Variants in PAX8 observed in about 807,000 individuals in gnomAD.
PAX8 encodes paired box protein Pax-8.
In PAX8, 15 loss-of-function variants were observed where a neutral mutation model predicts 52.4. The ratio of observed to expected loss-of-function variants is 0.29; its 90% CI spans 0.19 to 0.44. The LOEUF is 0.44. PAX8 is among the 20% of genes least tolerant of loss of function. The pLI, the probability that PAX8 is intolerant of heterozygous loss-of-function variation, is 1.00. For missense variants in PAX8, 554 were observed against 602.5 expected (o/e 0.92, Z 0.84); for synonymous variants, 284 against 249.7 (o/e 1.14, Z -1.29).
Position 113,242,063 on chromosome 2 carries a change from G to A in PAX8, c.546C>T (p.Ile182=), listed in dbSNP as rs1690897996. The A allele has an allele frequency of 1.2e-6, 2 of 1,613,646 alleles. No homozygotes were observed. Among genetic ancestry groups the A allele is most frequent in the African/African-American group, 1.3e-5 (1 of 74,928 alleles). ...GCTGAGCGATGCCCAGGAGCCCATT[G>A]ATGGAGTAGGTGGAGCCCAGGGAAT... ...QSDSLGSTYS[I]NGLLGIAQPG... The change falls in exon 6 of 12, where the codon ATC becomes ATT. Residue 182 remains isoleucine (I), a synonymous_variant. Coordinates refer to ENST00000429538, the MANE Select transcript of PAX8 (RefSeq NM_003466.4).
chr2:113,260,679 A>G (rs1692599872), intron 2 of PAX8, among the ~76,000 whole-genome samples: 1 of 152,162 alleles, frequency 6.6e-6, no homozygotes, highest in Non-Finnish European at 1.5e-5. Context: ...TAATGAAGTC[A>G]CATAAAGATG....
intron 10 of PAX8, among the ~76,000 whole-genome samples, chr2:113,222,076 T>C (rs191046377): frequency 2.5e-3 from 374 of 152,302 alleles, no homozygotes; most frequent in African/African-American, 8.7e-3. Context: ...AGCTGTGACA[T>C]AGGGAAGTAA....
intron 3 of PAX8, among the ~76,000 whole-genome samples, chr2:113,245,058 G>GT (rs1483202438): frequency 8.5e-6 from 1 of 118,194 alleles, no homozygotes; most frequent in East Asian, 2.3e-4. Context: ...TTTTTTTTTT[G>GT]TTTTTTGAGA....
intron 2 of PAX8, among the ~76,000 whole-genome samples, chr2:113,247,836 G>A (rs1691452434): frequency 6.6e-6 from 1 of 152,160 alleles, no homozygotes; most frequent in Non-Finnish European, 1.5e-5. Context: ...CTTCCCTCAT[G>A]GGGTTTATTA....
At chr2:113,271,709 A>G (rs1183737943) in intron 2 of PAX8, 1 of 146,440 alleles carries the variant, frequency 6.8e-6, no homozygotes, top group Non-Finnish European at 1.5e-5. Context: ...TCGATCATCT[A>G]GTAGCCGAGT....
At position 113,278,891 on chromosome 2, in the gene PAX8, G is replaced by T. The variant is rs531419791; in HGVS notation, c.-136C>A. On this transcript the variant is annotated 5_prime_UTR_variant, in exon 1 of 12. Coordinates refer to ENST00000429538, the MANE Select transcript of PAX8 (RefSeq NM_003466.4). The stretch of plus-strand genomic sequence containing the variant: ...CCGCCCGCGAGGGTGCCCTGGGCCC[G>T]GTGTCTCTCCTCCTTCTGAAGTTTG... The T allele has an allele frequency of 1.9e-6, 2 of 1,053,942 alleles. No individual in the cohort carries two copies. Among genetic ancestry groups the T allele is most frequent in the African/African-American group, 1.7e-5 (1 of 60,054 alleles). 65.3% of individuals were successfully genotyped at this position (1,053,942 alleles called of 1,614,324 possible).
At chr2:113,254,403 G>T (rs980587851) in intron 2 of PAX8, among the ~76,000 whole-genome samples, 2 of 152,146 alleles carry the variant, frequency 1.3e-5, no homozygotes, top group Non-Finnish European at 2.9e-5. Context: ...TGGGGTGGGG[G>T]TGCAAGAGAG....
chr2:113,244,651 T>C, intron 3 of PAX8, 27 bp from the exon 4 acceptor site: 2 of 1,606,676 alleles, frequency 1.2e-6, no homozygotes, highest in Non-Finnish European at 1.7e-6. Flanking sequence ...TCCCAAAGAA[T>C]TACCCAATAA....
intron 10 of PAX8, among the ~76,000 whole-genome samples, chr2:113,220,889 C>T (rs868857899): frequency 7.2e-5 from 11 of 152,206 alleles, no homozygotes; most frequent in African/African-American, 2.7e-4. Context: ...CAAAGTAAAT[C>T]AGATCACCTC....
intron 9 of PAX8, among the ~76,000 whole-genome samples, chr2:113,228,468 T>A (rs973362255): frequency 6.6e-6 from 1 of 152,266 alleles, no homozygotes; most frequent in African/African-American, 2.4e-5. Flanking sequence ...AATTCTTTGC[T>A]GCAGGAGGCT....
intron 9 of PAX8, chr2:113,230,531 CCAATGGGGTAGAGGCTTCTGAATCGGA>C (rs1689829696): frequency 6.6e-6 from 1 of 152,194 alleles, no homozygotes; most frequent in Admixed American, 6.5e-5. Flanking sequence ...TAATGTCTTC[CCAATGGGGTAGAGGCTTCTGAATCGGA>C]CATCAGAACA....
chr2:113,222,478 G>A (rs1689327682), intron 10 of PAX8, among the ~76,000 whole-genome samples: 1 of 152,178 alleles, frequency 6.6e-6, no homozygotes, highest in Non-Finnish European at 1.5e-5. Flanking sequence ...ACACCTGGGT[G>A]TGGCATCTTC....
In PAX8 at chr2:113,235,472, A is replaced by C. The variant is rs199939219; in HGVS notation, c.1009T>G (p.Ser337Ala). The part of the protein sequence containing the change: ...SAFLDLQQVG[S>A]GVPPFNAFPH... ...AAGGCATTGAAGGGCGGGACCCCGG[A>C]GCCGACTTGCTGCAGATCCAAAAAG... The change falls in exon 9 of 12, where the codon TCC becomes GCC. Residue 337 changes from serine (S) to alanine (A), a missense_variant. By Grantham distance (99) the Ser-to-Ala change is moderately conservative. Around this residue, in one of 2 missense-constraint regions of PAX8, gnomAD observed 445 missense variants for 409.9 expected, o/e 1.09. Transcript: ENST00000429538. 4.0e-4 allele frequency: 651 copies of C among 1,613,256 alleles called. 2 individuals carry two copies. The highest frequency in any genetic ancestry group is 5.5e-4 in the Admixed American group (33 of 59,924).
At chr2:113,277,656 AC>A (rs763459930) in intron 2 of PAX8, among the ~76,000 whole-genome samples, 3 of 151,956 alleles carry the variant, frequency 2.0e-5, no homozygotes, top group East Asian at 1.9e-4. Flanking sequence ...CCCAGCAAAG[AC>A]CCTGCCCAGC....
chr2:113,258,825 G>A (rs896508091), intron 2 of PAX8, among the ~76,000 whole-genome samples: 11 of 151,908 alleles, frequency 7.2e-5, no homozygotes, highest in South Asian at 2.1e-4. Flanking sequence ...GCCTTTCTCC[G>A]CCTCCCCCAG....
Position 113,226,862 on chromosome 2 carries a change from G to A in PAX8, c.1189+293C>T. On this transcript the variant is annotated intron_variant, in intron 10 of 11. Coordinates refer to ENST00000429538, the MANE Select transcript of PAX8 (RefSeq NM_003466.4). ...TCACTGATTCACTGGAAGAAGTGGT[G>A]GAGCTTGGATTTGAACACAGACCTG... 3.8e-6 allele frequency: 5 copies of A among 1,311,724 alleles called. No homozygotes were observed. In the South Asian group the frequency reaches 6.1e-5, roughly 16 times the overall value. The allele number at this position is 1,311,724 out of a possible 1,614,324, so 81.3% of individuals were successfully genotyped here. A position where few individuals can be genotyped will look rare whatever the true frequency, so the allele number is the denominator to read the frequency against.
At chr2:113,278,693 C>T (rs912993764) in intron 1 of PAX8, 138 bp downstream of exon 1, 2 of 626,512 alleles carry the variant, frequency 3.2e-6, no homozygotes, top group East Asian at 3.1e-5. Flanking sequence ...ACCTCCGTGC[C>T]CACTCCCTCC....
At chr2:113,225,386 G>A (rs1197042178) in intron 10 of PAX8, among the ~76,000 whole-genome samples, 2 of 152,108 alleles carry the variant, frequency 1.3e-5, no homozygotes, top group African/African-American at 2.4e-5. Context: ...GGTAAGAGAC[G>A]GACATAGAAT....
intron 2 of PAX8, among the ~76,000 whole-genome samples, chr2:113,252,708 C>T (rs1346679956): frequency 2.0e-5 from 3 of 152,180 alleles, no homozygotes; most frequent in African/African-American, 7.2e-5. Context: ...GGCAAAGCTG[C>T]GGCTTGTGTT....
Sources: gnomAD v4.1 joint callset for allele counts (sites outside exome capture counted in the v4.1 genomes callset) on GRCh38, gnomAD v4.1.1 for gene constraint, gnomAD v4.1.1 regional missense constraint, MANE v1.5 for transcripts, NCBI Gene and HGNC (gene_info 2026-07-23, HGNC 2026-07-21) for gene names.